Variants in MAP3K20 observed in about 807,000 individuals in gnomAD.
MAP3K20 encodes HCCS-4.
MAP3K20 carries 40 observed loss-of-function variants against 85.7 expected under a neutral mutation model. The observed-to-expected ratio is 0.47, with a 90% CI of 0.36 to 0.61. The LOEUF is 0.61. MAP3K20 is among the 20% of genes least tolerant of loss of function. The pLI is 0.00. For missense variants in MAP3K20, 817 were observed against 961.7 expected, an observed-to-expected ratio of 0.85 and a Z score of 1.99; for synonymous variants, 325 against 327.7, an observed-to-expected ratio of 0.99 and a Z score of 0.09.
At chr2:173,222,457 T>G in intron 11 of MAP3K20, 1 of 985,884 alleles carries the variant, frequency 1.0e-6, no homozygotes, top group South Asian at 4.7e-5. Context: ...GGAAGCCTCT[T>G]AACAACACAC....
At chr2:173,134,428 A>ATATATATATTTTTTTTTT (rs56330241) in intron 2 of MAP3K20, among the ~76,000 whole-genome samples, 2 of 3,156 alleles carry the variant, frequency 6.3e-4, no homozygotes, top group Non-Finnish European at 1.3e-3. Flanking sequence ...ATATATATAT[A>ATATATATATTTTTTTTTT]TTTTTTTTTT....
intron 8 of MAP3K20, among the ~76,000 whole-genome samples, chr2:173,201,912 A>C (rs114492145): frequency 6.6e-6 from 1 of 152,218 alleles, no homozygotes; most frequent in African/African-American, 2.4e-5. Flanking sequence ...TGTGGTATCT[A>C]AACAGTTTTT....
intron 1 of MAP3K20, among the ~76,000 whole-genome samples, chr2:173,081,470 A>G (rs1411702701): frequency 6.6e-6 from 1 of 152,214 alleles, no homozygotes; most frequent in African/African-American, 2.4e-5. Context: ...GTCCTGCACC[A>G]TTAAGCTCTG....
At chr2:173,150,944 A>G (rs904996205) in intron 2 of MAP3K20, among the ~76,000 whole-genome samples, 1 of 152,236 alleles carries the variant, frequency 6.6e-6, no homozygotes, top group Non-Finnish European at 1.5e-5. Flanking sequence ...TGTACTTTAC[A>G]TGGGAGTTTG....
At chr2:173,103,921 CA>C (rs1687707132) in intron 2 of MAP3K20, among the ~76,000 whole-genome samples, 3 of 152,022 alleles carry the variant, frequency 2.0e-5, no homozygotes, top group Admixed American at 2.0e-4. Context: ...TTCAGCCATC[CA>C]ACAAATATTG....
intron 2 of MAP3K20, among the ~76,000 whole-genome samples, chr2:173,115,078 C>T (rs1688079593): frequency 7.0e-6 from 1 of 142,912 alleles, no homozygotes. Flanking sequence ...TAATCCCAGA[C>T]TTCTTAGAGG....
intron 3 of MAP3K20, among the ~76,000 whole-genome samples, chr2:173,173,041 C>T (rs1364579780): frequency 6.6e-6 from 1 of 152,146 alleles, no homozygotes; most frequent in African/African-American, 2.4e-5. Context: ...CCGCCTGCCT[C>T]AGCCTCCCAA....
In MAP3K20 at chr2:173,146,417, A is replaced by G. The variant is rs1384443016; in HGVS notation, c.160-23388A>G. On this transcript the variant is annotated intron_variant, in intron 2 of 19. Coordinates refer to ENST00000375213, the MANE Select transcript of MAP3K20 (RefSeq NM_016653.3). ...CTGAAGGTGAATTGAAGTGTAATTC[A>G]TATACCTTGTAATTCATCCATGTAA... is the stretch of plus-strand genomic sequence containing the variant. Among the ~76,000 whole-genome samples the G allele has an allele frequency of 1.3e-5, 2 of 152,196 alleles. 1 individual carries two copies. The highest frequency in any genetic ancestry group is 2.9e-5 in the Non-Finnish European group (2 of 68,016).
intron 2 of MAP3K20, among the ~76,000 whole-genome samples, chr2:173,111,021 G>A (rs1476344603): frequency 6.6e-6 from 1 of 152,134 alleles, no homozygotes; most frequent in Non-Finnish European, 1.5e-5. Flanking sequence ...CTTCCATAGC[G>A]GCTGTACTAG....
intron 3 of MAP3K20, among the ~76,000 whole-genome samples, chr2:173,179,389 C>T (rs1336643093): frequency 1.9e-5 from 1 of 53,716 alleles, no homozygotes; most frequent in African/African-American, 4.0e-5. Flanking sequence ...GAGACTCCAT[C>T]TCAAAAAAAA....
chr2:173,088,342 C>T (rs1036283087), intron 1 of MAP3K20, among the ~76,000 whole-genome samples: 6 of 152,078 alleles, frequency 3.9e-5, no homozygotes, highest in African/African-American at 1.2e-4. Flanking sequence ...TGTTACAGTA[C>T]GGTTGGAAGC....
chr2:173,223,661 G>C, intron 11 of MAP3K20: 1 of 985,298 alleles, frequency 1.0e-6, no homozygotes, highest in Non-Finnish European at 1.2e-6. Flanking sequence ...AGCTTAACCT[G>C]GTCTGAGGTG....
At chr2:173,115,611 T>G (rs1688098510) in intron 2 of MAP3K20, among the ~76,000 whole-genome samples, 1 of 152,144 alleles carries the variant, frequency 6.6e-6, no homozygotes, top group African/African-American at 2.4e-5. Flanking sequence ...GGTGTTCTCT[T>G]GATGTAGTAC....
intron 2 of MAP3K20, among the ~76,000 whole-genome samples, chr2:173,145,725 A>T (rs1689117950): frequency 6.6e-6 from 1 of 152,120 alleles, no homozygotes; most frequent in South Asian, 2.1e-4. Flanking sequence ...AAAATTAAAC[A>T]CCTACCCTAT....
intron 2 of MAP3K20, among the ~76,000 whole-genome samples, chr2:173,168,515 TG>T (rs1421286435): frequency 6.6e-6 from 1 of 152,154 alleles, no homozygotes; most frequent in African/African-American, 2.4e-5. Context: ...TCTTATCCTA[TG>T]AAAAAAACTG....
intron 1 of MAP3K20, among the ~76,000 whole-genome samples, chr2:173,087,302 T>C (rs1687169937): frequency 6.6e-6 from 1 of 152,120 alleles, no homozygotes; most frequent in African/African-American, 2.4e-5. Flanking sequence ...TGGTCAGGGA[T>C]AGGAGTTTGC....
At chr2:173,104,455 G>C (rs1312764399) in intron 2 of MAP3K20, among the ~76,000 whole-genome samples, 1 of 152,030 alleles carries the variant, frequency 6.6e-6, no homozygotes, top group Non-Finnish European at 1.5e-5. Flanking sequence ...CAAGAGATAA[G>C]GAAATGTGAT....
At chr2:173,235,572 G>C (rs564188599) in intron 14 of MAP3K20, among the ~76,000 whole-genome samples, 1 of 152,138 alleles carries the variant, frequency 6.6e-6, no homozygotes, top group African/African-American at 2.4e-5. Context: ...CAGCTGCTAG[G>C]GGGAGGAGGC....
chr2:173,128,921 C>CTTT (rs386391866), intron 2 of MAP3K20, among the ~76,000 whole-genome samples: 4,409 of 116,030 alleles, frequency 0.038, 251 homozygotes, highest in African/African-American at 0.08. Context: ...GAAATCTTTT[C>CTTT]TTTTTTTTTT....
Sources: allele counts gnomAD v4.1 joint callset (sites outside exome capture counted in the v4.1 genomes callset), GRCh38; gene constraint gnomAD v4.1.1; transcripts MANE v1.5; gene names NCBI Gene and HGNC (gene_info 2026-07-23, HGNC 2026-07-21).